The following MTA3 variants were observed in gnomAD, a reference collection of about 807,000 sequenced individuals.
The protein encoded by MTA3 is metastasis associated 1 family member 3, also known as metastasis-associated protein MTA3.
In MTA3, 34 loss-of-function variants were observed where a neutral mutation model predicts 83.5. The ratio of observed to expected loss-of-function variants is 0.41; its 90% CI spans 0.31 to 0.54. MTA3 has a LOEUF of 0.54. MTA3 is among the 20% of genes least tolerant of loss of function. MTA3 has a pLI of 0.33. For synonymous variants in MTA3, 303 were observed against 252.7 expected, an observed-to-expected ratio of 1.20 and a Z score of -1.89; for missense variants, 761 against 726.4, an observed-to-expected ratio of 1.05 and a Z score of -0.55.
At chr2:42,611,854 T>G (rs755492849) in intron 4 of MTA3, among the ~76,000 whole-genome samples, 1 of 152,086 alleles carries the variant, frequency 6.6e-6, no homozygotes, top group Non-Finnish European at 1.5e-5. Flanking sequence ...AATAGATAGA[T>G]AGAGAGATAT....
chr2:42,592,921 T>G (rs1573116210), intron 3 of MTA3, among the ~76,000 whole-genome samples: 1 of 150,880 alleles, frequency 6.6e-6, no homozygotes, highest in African/African-American at 2.4e-5. Context: ...GAGGCTGAGG[T>G]GGGGGGATCA....
chr2:42,626,332 C>CT (rs2104226362), intron 4 of MTA3, among the ~76,000 whole-genome samples: 1 of 144,282 alleles, frequency 6.9e-6, no homozygotes, highest in African/African-American at 2.6e-5. Context: ...GAGTCTCACT[C>CT]TGTCACCCAG....
At chr2:42,690,409 T>G (rs1328563643) in intron 9 of MTA3, among the ~76,000 whole-genome samples, 6 of 152,116 alleles carry the variant, frequency 3.9e-5, no homozygotes, top group African/African-American at 1.4e-4. Context: ...GATGTGATGT[T>G]TCTTTTTCTT....
intron 2 of MTA3, among the ~76,000 whole-genome samples, chr2:42,516,214 G>A (rs927252099): frequency 3.9e-5 from 6 of 152,042 alleles, no homozygotes; most frequent in African/African-American, 7.2e-5. Context: ...CGCTCCTGGC[G>A]CAGTGTTTAT....
intron 8 of MTA3, among the ~76,000 whole-genome samples, chr2:42,666,161 C>A (rs933775658): frequency 3.3e-5 from 5 of 152,116 alleles, no homozygotes; most frequent in Non-Finnish European, 7.4e-5. Flanking sequence ...CCTGTAGTCC[C>A]AGCTACTCGG....
chr2:42,704,208 C>A lies in MTA3; in HGVS notation c.1040C>A (p.Pro347His), dbSNP rs1442592470. 4 of 1,613,736 alleles carry A rather than the reference C, an allele frequency of 2.5e-6. No homozygotes were observed. In the South Asian group the frequency reaches 4.4e-5, roughly 18 times the overall value. ...TTCATTGAAAGCAGCAAACCAAATCCCAACCAAATATCCACTAGTAATGGG... is the reference window on the plus strand; with the variant it reads ...TTCATTGAAAGCAGCAAACCAAATCACAACCAAATATCCACTAGTAATGGG... ...VYIPTYSKPN[P>H]NQISTSNGKP... The change falls in exon 12 of 17, where the codon CCC (proline) becomes CAC (histidine). Residue 347 changes from proline to histidine, a missense_variant. By Grantham distance (77) the Pro-to-His change is moderately conservative (BLOSUM62 -2). Coordinates refer to ENST00000405094, the MANE Select transcript of MTA3 (RefSeq NM_001330442.2).
chr2:42,655,575 A>G (rs1367208642), intron 6 of MTA3, among the ~76,000 whole-genome samples: 1 of 152,092 alleles, frequency 6.6e-6, no homozygotes, highest in Non-Finnish European at 1.5e-5. Flanking sequence ...GTATTTATGC[A>G]TAGTTTAAAC....
intron 2 of MTA3, among the ~76,000 whole-genome samples, chr2:42,573,847 C>G (rs940363278): frequency 6.6e-6 from 1 of 151,324 alleles, no homozygotes; most frequent in African/African-American, 2.4e-5. Flanking sequence ...GAGATGGAGT[C>G]TCGCTCCGTC....
In MTA3 at chr2:42,755,686, G is replaced by A; in HGVS notation, c.*2287G>A. 7.1e-6 allele frequency: 7 copies of A among 985,532 alleles called. No homozygotes were observed. In the South Asian group the frequency reaches 3.3e-4, roughly 46 times the overall value. The allele number at this position is 985,532 out of a possible 1,614,324, so 61.0% of individuals were successfully genotyped here. ...CTAGTCTGTGCCTTTGCCGTTGGAA[G>A]CATTTGGTGCTGAGAGGGTTTCCCA... is the stretch of plus-strand genomic sequence containing the variant. On this transcript the variant is annotated 3_prime_UTR_variant, in exon 17 of 17. Coordinates refer to ENST00000405094, the MANE Select transcript of MTA3 (RefSeq NM_001330442.2).
At chr2:42,522,818 T>C (rs1479992978) in intron 2 of MTA3, among the ~76,000 whole-genome samples, 1 of 150,532 alleles carries the variant, frequency 6.6e-6, no homozygotes, top group African/African-American at 2.4e-5. Context: ...TTTTTTTTTT[T>C]TTTTTTTTGA....
intron 2 of MTA3, among the ~76,000 whole-genome samples, chr2:42,574,395 G>C (rs911876277): frequency 6.6e-6 from 1 of 151,876 alleles, no homozygotes; most frequent in African/African-American, 2.4e-5. Context: ...CAAAGTGCTG[G>C]GATTACAGGC....
intron 3 of MTA3, among the ~76,000 whole-genome samples, chr2:42,606,255 T>A (rs1683381646): frequency 6.9e-6 from 1 of 144,870 alleles, no homozygotes; most frequent in African/African-American, 2.6e-5. Context: ...CTCTCCTCAC[T>A]TCCCAGATGG....
chr2:42,520,220 A>G (rs1675356781), intron 2 of MTA3, among the ~76,000 whole-genome samples: 1 of 152,164 alleles, frequency 6.6e-6, no homozygotes, highest in African/African-American at 2.4e-5. Flanking sequence ...TCTGTGCTAC[A>G]GTCTAAGTGT....
At chr2:42,728,091 C>G (rs553302867) in intron 16 of MTA3, among the ~76,000 whole-genome samples, 1 of 152,106 alleles carries the variant, frequency 6.6e-6, no homozygotes, top group African/African-American at 2.4e-5. Context: ...ATCATACCTC[C>G]TACCACTATC....
chr2:42,640,236 G>T lies in MTA3; in HGVS notation c.381G>T (p.Glu127Asp). The T allele has an allele frequency of 6.3e-7, 1 of 1,598,050 alleles. No homozygotes were observed. Among genetic ancestry groups the T allele is most frequent in the South Asian group, 1.1e-5 (1 of 88,638 alleles). ...CAGTATTGTCATATCTTGATAAGGAGGTAATTCACAATCATAGTTGTTTTG... is the reference window on the plus strand; with the variant it reads ...CAGTATTGTCATATCTTGATAAGGATGTAATTCACAATCATAGTTGTTTTG... The part of the protein sequence containing the change: ...TESVLSYLDK[E>D]DTFFYSLVYD... The change falls in exon 5 of 17, where the codon GAG (glutamate) becomes GAT (aspartate). Residue 127 changes from glutamate (E) to aspartate (D), a missense_variant and splice_region_variant. By Grantham distance (45) the Glu-to-Asp change is conservative. Transcript: ENST00000405094.
intron 4 of MTA3, among the ~76,000 whole-genome samples, chr2:42,630,962 A>G (rs991387052): frequency 1.6e-4 from 25 of 152,334 alleles, no homozygotes; most frequent in African/African-American, 6.0e-4. Context: ...TGCTAACTTT[A>G]TATAAGTAAT....
chr2:42,500,912 G>A (rs540597472), intron 2 of MTA3, among the ~76,000 whole-genome samples: 1 of 150,456 alleles, frequency 6.6e-6, no homozygotes. Context: ...CCGGGTTCAC[G>A]CCATTCTCCT....
Position 42,675,079 on chromosome 2 carries a change from T to A in MTA3, c.703-7322T>A, listed in dbSNP as rs188833496. 9.2e-5 allele frequency among the ~76,000 whole-genome samples: 14 copies of A among 152,194 alleles called. No individual in the cohort carries two copies. In the East Asian group the frequency reaches 2.5e-3, roughly 27 times the overall value. ...CTGGGATTACATGCCTGAGCCAATGTACCTGGCCAACTTTTAGCTTTTTAA... is the reference window on the plus strand; with the variant it reads ...CTGGGATTACATGCCTGAGCCAATGAACCTGGCCAACTTTTAGCTTTTTAA... On this transcript the variant is annotated intron_variant, in intron 8 of 16. Transcript: ENST00000405094.
intron 16 of MTA3, 133 bp downstream of exon 16, chr2:42,723,168 AAG>A: frequency 9.0e-7 from 1 of 1,114,322 alleles, no homozygotes; most frequent in Non-Finnish European, 1.3e-6. Context: ...GTTGAGGAAT[AAG>A]GGGGAATACA....
Sources: allele counts gnomAD v4.1 joint callset (sites outside exome capture counted in the v4.1 genomes callset), GRCh38; gene constraint gnomAD v4.1.1; transcripts MANE v1.5; gene names NCBI Gene and HGNC (gene_info 2026-07-23, HGNC 2026-07-21).